ADCY9: variants seen among roughly 807,000 people sequenced by gnomAD.
ADCY9 encodes the protein adenylate cyclase 9.
ADCY9 carries 50 observed loss-of-function variants against 101.5 expected under a neutral mutation model. That is an observed-to-expected ratio of 0.49 (90% CI 0.39 to 0.62). The LOEUF (loss-of-function observed/expected upper bound fraction) is 0.62, where lower values mean the gene tolerates loss of function less well. ADCY9 is among the 20% of genes least tolerant of loss of function. The pLI, the probability that ADCY9 is intolerant of heterozygous loss-of-function variation, is 0.00. For synonymous variants in ADCY9, 905 were observed against 769.3 expected (o/e 1.18, Z -2.92); for missense variants, 1,662 against 1,800.4 (o/e 0.92, Z 1.39).
intron 2 of ADCY9, among the ~76,000 whole-genome samples, chr16:4,046,653 GA>G (rs1360707430): frequency 6.6e-6 from 1 of 152,060 alleles, no homozygotes; most frequent in Non-Finnish European, 1.5e-5. Context: ...TCAGAGTTCT[GA>G]AGAAAATAAG....
intron 10 of ADCY9, among the ~76,000 whole-genome samples, chr16:3,970,712 T>G (rs932039792): frequency 6.6e-6 from 1 of 152,256 alleles, no homozygotes; most frequent in South Asian, 2.1e-4. Context: ...TTGACCTGTG[T>G]GGCCATCACG....
At chr16:4,025,735 G>C (rs2056510575) in intron 2 of ADCY9, among the ~76,000 whole-genome samples, 1 of 152,158 alleles carries the variant, frequency 6.6e-6, no homozygotes, top group African/African-American at 2.4e-5. Flanking sequence ...AGAAGGTTTG[G>C]GGCATGACCA....
intron 9 of ADCY9, among the ~76,000 whole-genome samples, chr16:3,975,051 C>T (rs1420103308): frequency 1.3e-5 from 2 of 152,186 alleles, no homozygotes; most frequent in Non-Finnish European, 2.9e-5. Flanking sequence ...CCCAGATCTG[C>T]TATTTGAACT....
intron 6 of ADCY9, among the ~76,000 whole-genome samples, chr16:3,985,181 C>A (rs1187638643): frequency 7.1e-5 from 10 of 141,598 alleles, no homozygotes; most frequent in African/African-American, 2.6e-4. Flanking sequence ...CTGGCTGTCG[C>A]CAGGCTGGAG....
intron 2 of ADCY9, among the ~76,000 whole-genome samples, chr16:4,077,130 G>C (rs1354094341): frequency 6.6e-6 from 1 of 151,546 alleles, no homozygotes; most frequent in Non-Finnish European, 1.5e-5. Flanking sequence ...TCCACAGCTA[G>C]CATGCGGACT....
intron 5 of ADCY9, among the ~76,000 whole-genome samples, chr16:3,957,506 G>C (rs575402279): frequency 7.2e-5 from 11 of 152,256 alleles, no homozygotes; most frequent in East Asian, 5.8e-4. Context: ...TGGCGGAATG[G>C]GGGTGGAGGC....
At chr16:4,073,852 G>C (rs939251272) in intron 2 of ADCY9, among the ~76,000 whole-genome samples, 2 of 152,150 alleles carry the variant, frequency 1.3e-5, no homozygotes, top group African/African-American at 4.8e-5. Flanking sequence ...ACAAAGAAAC[G>C]AAGAGTTCCT....
intron 2 of ADCY9, among the ~76,000 whole-genome samples, chr16:4,035,998 C>CAAAAAAAAAAAAAAAAAAAAAAAAAAAAA (rs55792873): frequency 8.6e-5 from 2 of 23,168 alleles, no homozygotes; most frequent in Non-Finnish European, 1.4e-4. Flanking sequence ...AACTCCATCT[C>CAAAAAAAAAAAAAAAAAAAAAAAAAAAAA]AAAAAAAAAA....
chr16:4,097,553 ATTTTTTTTT>A (rs35732229), intron 2 of ADCY9, among the ~76,000 whole-genome samples: 2 of 53,416 alleles, frequency 3.7e-5, no homozygotes, highest in Admixed American at 3.2e-4. Context: ...ATATATATAT[ATTTTTTTTT>A]TTTTTTTTTA....
chr16:4,092,632 A>C (rs1010062429), intron 2 of ADCY9, among the ~76,000 whole-genome samples: 3 of 152,164 alleles, frequency 2.0e-5, no homozygotes, highest in African/African-American at 7.2e-5. Flanking sequence ...AATTTGATTC[A>C]AATTTCTCTT....
chr16:3,972,094 G>A (rs954370314), intron 10 of ADCY9, among the ~76,000 whole-genome samples: 5 of 152,188 alleles, frequency 3.3e-5, no homozygotes, highest in Non-Finnish European at 5.9e-5. Context: ...GAAGGCATCT[G>A]TAAGAAACAG....
At chr16:4,034,134 A>G (rs1490862479) in intron 2 of ADCY9, among the ~76,000 whole-genome samples, 1 of 152,118 alleles carries the variant, frequency 6.6e-6, no homozygotes, top group Non-Finnish European at 1.5e-5. Context: ...GCCACAGTGC[A>G]TGTGGCTGCT....
At chr16:4,067,103 T>C (rs2056805174) in intron 2 of ADCY9, among the ~76,000 whole-genome samples, 1 of 151,714 alleles carries the variant, frequency 6.6e-6, no homozygotes, top group Admixed American at 6.6e-5. Context: ...TGAAATAACT[T>C]AAAAAAAATT....
intron 2 of ADCY9, among the ~76,000 whole-genome samples, chr16:4,079,611 G>C (rs1318836413): frequency 6.6e-6 from 1 of 152,092 alleles, no homozygotes; most frequent in Non-Finnish European, 1.5e-5. Context: ...TGTACATACA[G>C]ATTTAAGTGG....
rs1028632033 is a variant in ADCY9, at chr16:4,113,795, C to T, written c.1648G>A (p.Val550Ile). 9.3e-6 allele frequency: 15 copies of T among 1,613,974 alleles called. No individual in the cohort carries two copies. In the East Asian group the frequency reaches 3.3e-4, roughly 36 times the overall value. The change falls in exon 2 of 11, where the codon GTT becomes ATT. Residue 550 changes from valine (V) to isoleucine (I), a missense_variant. By Grantham distance (29) the Val-to-Ile change is conservative (BLOSUM62 3). Around this residue, in one of 5 missense-constraint regions of ADCY9, gnomAD observed 624 missense variants for 639.1 expected, o/e 0.98. Transcript: ENST00000294016. The stretch of plus-strand genomic sequence containing the variant: ...ACGCTCTGGCCCAGCCGTTCAATAA[C>T]TTTCCCATCTTCCATTTCGTACCGG... The part of the protein sequence containing the change: ...DDRYEMEDGK[V>I]IERLGQSVVA...
chr16:3,974,296 G>A (rs1597137311), intron 10 of ADCY9, among the ~76,000 whole-genome samples: 1 of 152,110 alleles, frequency 6.6e-6, no homozygotes, highest in Admixed American at 6.6e-5. Context: ...CGCCCGCCTC[G>A]GCCTCCCAAA....
chr16:4,027,299 T>C (rs947839934), intron 2 of ADCY9, among the ~76,000 whole-genome samples: 2 of 152,238 alleles, frequency 1.3e-5, no homozygotes, highest in African/African-American at 2.4e-5. Context: ...GTCCAATTCT[T>C]TGTTCAAAAT....
intron 5 of ADCY9, among the ~76,000 whole-genome samples, chr16:3,953,719 A>AGT (rs921422778): frequency 5.3e-5 from 8 of 152,216 alleles, no homozygotes; most frequent in African/African-American, 1.9e-4. Flanking sequence ...AGCTTCAGCC[A>AGT]GTGTGTGTGG....
chr16:4,020,758 G>A (rs914224193), intron 2 of ADCY9, among the ~76,000 whole-genome samples: 5 of 151,732 alleles, frequency 3.3e-5, no homozygotes, highest in African/African-American at 9.7e-5. Flanking sequence ...CCCAGGAGGC[G>A]GAGCTTGCAG....
Sources: allele counts gnomAD v4.1 joint callset (sites outside exome capture counted in the v4.1 genomes callset), GRCh38; gene constraint gnomAD v4.1.1; regional missense constraint gnomAD v4.1.1; transcripts MANE v1.5; gene names NCBI Gene and HGNC (gene_info 2026-07-23, HGNC 2026-07-21).